Variants in EPS15L1 observed in about 807,000 individuals in gnomAD.
The protein encoded by EPS15L1 is epidermal growth factor receptor pathway substrate 15 like 1, also known as epidermal growth factor receptor substrate 15-like 1.
Under a neutral mutation model 117.1 loss-of-function variants are expected in EPS15L1, and 43 were observed. The observed-to-expected ratio is 0.37, with a 90% CI of 0.29 to 0.47. The LOEUF (loss-of-function observed/expected upper bound fraction) is 0.47, where lower values mean the gene tolerates loss of function less well. EPS15L1 is among the 20% of genes least tolerant of loss of function. The probability of loss-of-function intolerance (pLI) is 0.99; values close to 1 mark genes in which losing one functional copy is unlikely to be tolerated. For missense variants in EPS15L1, 981 were observed against 1,164.0 expected, an observed-to-expected ratio of 0.84 and a Z score of 2.29; for synonymous variants, 459 against 470.5, an observed-to-expected ratio of 0.98 and a Z score of 0.32.
chr19:16,464,729 TACACTAACACTAACACTAACACTA>T (rs149531973), intron 1 of EPS15L1, among the ~76,000 whole-genome samples: 1 of 148,518 alleles, frequency 6.7e-6, no homozygotes, highest in African/African-American at 2.5e-5. Flanking sequence ...ACACATAAAA[TACACTAACACTAACACTAACACTA>T]ACACTAACAC....
intron 1 of EPS15L1, among the ~76,000 whole-genome samples, chr19:16,452,072 T>C (rs1453080741): frequency 1.3e-5 from 2 of 149,538 alleles, no homozygotes; most frequent in African/African-American, 4.9e-5. Context: ...CCAGGAGGCG[T>C]AGGTTGCAGT....
Position 16,395,430 on chromosome 19 carries a change from T to C in EPS15L1, c.1829A>G (p.Asn610Ser), listed in dbSNP as rs1472950570. The C allele has an allele frequency of 1.9e-6, 3 of 1,613,778 alleles. No homozygotes were observed. The highest frequency in any genetic ancestry group is 3.3e-5 in the Admixed American group (2 of 60,004). Residue 610 changes from asparagine to serine, a missense_variant, in exon 17 of 24, where the codon AAC becomes AGC. Physicochemically the swap from Asn to Ser is conservative, Grantham distance 46 (BLOSUM62 1). Around this residue, in one of 5 missense-constraint regions of EPS15L1, gnomAD observed 819 missense variants for 949.0 expected, o/e 0.86. Coordinates refer to ENST00000455140, the MANE Select transcript of EPS15L1 (RefSeq NM_001258374.3). Reference sequence around the variant, plus strand: ...ATCCGGATGCAACTCTTGCGTGTTGTTGCTAAATAACAAGGCTTTATTTTT... The same window carrying C: ...ATCCGGATGCAACTCTTGCGTGTTGCTGCTAAATAACAAGGCTTTATTTTT... Reference protein sequence around the residue: ...PFKNKALLFSNNTQELHPDPF... With the variant: ...PFKNKALLFSSNTQELHPDPF...
chr19:16,432,482 G>C (rs576177448), intron 7 of EPS15L1, among the ~76,000 whole-genome samples: 16 of 151,924 alleles, frequency 1.1e-4, no homozygotes, highest in South Asian at 8.3e-4. Flanking sequence ...GCAGGAGAAC[G>C]GCGTGAACCC....
chr19:16,409,592 A>C (rs10411344), intron 13 of EPS15L1, among the ~76,000 whole-genome samples: 20,862 of 152,166 alleles, frequency 0.14, 1,501 homozygotes, highest in Non-Finnish European at 0.15. Flanking sequence ...AGGTATTTGC[A>C]AGTCACATAT....
intron 1 of EPS15L1, among the ~76,000 whole-genome samples, chr19:16,463,176 G>A (rs1428163920): frequency 6.6e-6 from 1 of 152,036 alleles, no homozygotes; most frequent in Non-Finnish European, 1.5e-5. Flanking sequence ...TGGCTTGGAG[G>A]GTTTCCTGCA....
chr19:16,442,238 A>G lies in EPS15L1; in HGVS notation c.34-19T>C, dbSNP rs1198369072. The G allele has an allele frequency of 6.2e-7, 1 of 1,611,874 alleles. No homozygotes were observed. Among genetic ancestry groups the G allele is most frequent in the South Asian group, 1.1e-5 (1 of 90,898 alleles). On this transcript the variant is annotated intron_variant, in intron 1 of 23. Transcript: ENST00000455140. The stretch of plus-strand genomic sequence containing the variant: ...TGGGAATCTGTAAATGAAACCACAG[A>G]TATTGGTCAAAAGTGAACACAACCC...
At chr19:16,386,959 T>C (rs1338779575) in intron 19 of EPS15L1, among the ~76,000 whole-genome samples, 2 of 152,188 alleles carry the variant, frequency 1.3e-5, no homozygotes, top group African/African-American at 4.8e-5. Context: ...CAGATACATT[T>C]CTAAACATAT....
In EPS15L1 at chr19:16,437,797, C is replaced by T; in HGVS notation, c.282G>A (p.Leu94=). ...ATTTAGGCGGTGGCATGCTCAAATT[C>T]AGATTGCTCAAGGTAACTTCATGGC... The part of the protein sequence containing the change: ...QSGHEVTLSN[L]NLSMPPPKFH... The change falls in exon 5 of 24, where the codon CTG becomes CTA. Residue 94 remains leucine, a synonymous_variant. Transcript: ENST00000455140. The T allele has an allele frequency of 6.2e-7, 1 of 1,614,056 alleles. No individual in the cohort carries two copies. The highest frequency in any genetic ancestry group is 8.5e-7 in the Non-Finnish European group (1 of 1,179,986).
At chr19:16,467,207 G>A (rs571854594) in intron 1 of EPS15L1, among the ~76,000 whole-genome samples, 1 of 151,184 alleles carries the variant, frequency 6.6e-6, no homozygotes, top group African/African-American at 2.4e-5. Flanking sequence ...AGTGTGCAGT[G>A]GAGTGATCTT....
At chr19:16,427,483 A>T (rs1599632112) in intron 8 of EPS15L1, among the ~76,000 whole-genome samples, 1 of 152,336 alleles carries the variant, frequency 6.6e-6, no homozygotes, top group East Asian at 1.9e-4. Context: ...GTTGATGCTC[A>T]AAAAATGTCA....
chr19:16,458,451 G>A (rs1318705807), intron 1 of EPS15L1, among the ~76,000 whole-genome samples: 2 of 134,002 alleles, frequency 1.5e-5, no homozygotes, highest in Admixed American at 7.7e-5. Context: ...GGGCCGCCCC[G>A]CCCCCACCCC....
Position 16,361,806 on chromosome 19 carries a change from A to G in EPS15L1, c.2559T>C (p.Ser853=). 6.2e-7 allele frequency: 1 copy of G among 1,613,920 alleles called. No individual in the cohort carries two copies. Among genetic ancestry groups the G allele is most frequent in the Non-Finnish European group, 8.5e-7 (1 of 1,179,946 alleles). ...PSSAAKPSKA[S]ASGFADFTSF... ...AGGTGAAGTCTGCAAAGCCCGAGGC[A>G]GAGGCCTTAGAAGGTTTAGCTGCAG... is the stretch of plus-strand genomic sequence containing the variant. Residue 853 remains serine, a synonymous_variant, in exon 23 of 24, where the codon TCT becomes TCC. Coordinates refer to ENST00000455140, the MANE Select transcript of EPS15L1 (RefSeq NM_001258374.3).
intron 1 of EPS15L1, among the ~76,000 whole-genome samples, chr19:16,460,141 C>T (rs1037998117): frequency 2.6e-5 from 4 of 152,000 alleles, no homozygotes; most frequent in African/African-American, 9.7e-5. Context: ...ATTAGCTGGG[C>T]GTGGTGGTGT....
chr19:16,361,800 C>G lies in EPS15L1; in HGVS notation c.2565G>C (p.Ser855=), dbSNP rs748219359. The change falls in exon 23 of 24, where the codon TCG becomes TCC. Residue 855 remains serine, a synonymous_variant. Transcript: ENST00000455140. Reference sequence around the variant, plus strand: ...TTACAGAGGTGAAGTCTGCAAAGCCCGAGGCAGAGGCCTTAGAAGGTTTAG... The same window carrying G: ...TTACAGAGGTGAAGTCTGCAAAGCCGGAGGCAGAGGCCTTAGAAGGTTTAG... ...SAAKPSKASA[S]GFADFTSFGN... is the part of the protein sequence containing the mutation. 3 of 1,613,382 alleles carry G rather than the reference C, an allele frequency of 1.9e-6. No individual in the cohort carries two copies. Among genetic ancestry groups the G allele is most frequent in the African/African-American group, 2.7e-5 (2 of 74,832 alleles).
chr19:16,401,645 A>G (rs961881216), intron 16 of EPS15L1: 1 of 985,258 alleles, frequency 1.0e-6, no homozygotes, highest in Non-Finnish European at 1.2e-6. Context: ...GTGACCACCT[A>G]AGGAAAAGGT....
At chr19:16,440,827 G>A in intron 4 of EPS15L1, 35 bp downstream of exon 4, 1 of 1,609,098 alleles carries the variant, frequency 6.2e-7, no homozygotes. Flanking sequence ...GCTCTGCCCA[G>A]CCCCTCCATT....
At chr19:16,360,702 C>T (rs1011804061) in intron 23 of EPS15L1, among the ~76,000 whole-genome samples, 3 of 152,120 alleles carry the variant, frequency 2.0e-5, no homozygotes, top group African/African-American at 2.4e-5. Flanking sequence ...GAGCTCTGAT[C>T]GCGCCAATGC....
intron 16 of EPS15L1, among the ~76,000 whole-genome samples, chr19:16,395,855 G>C (rs1488551560): frequency 6.6e-6 from 1 of 150,970 alleles, no homozygotes; most frequent in Non-Finnish European, 1.5e-5. Context: ...TGAGGCAGGA[G>C]AACTGCTTGA....
At chr19:16,427,761 G>A (rs1275040498) in intron 8 of EPS15L1, among the ~76,000 whole-genome samples, 2 of 152,154 alleles carry the variant, frequency 1.3e-5, no homozygotes, top group East Asian at 3.8e-4. Context: ...GGCTGTGATG[G>A]AGTGCACCTG....
Sources: allele counts gnomAD v4.1 joint callset (sites outside exome capture counted in the v4.1 genomes callset), GRCh38; gene constraint gnomAD v4.1.1; regional missense constraint gnomAD v4.1.1; transcripts MANE v1.5; gene names NCBI Gene and HGNC (gene_info 2026-07-23, HGNC 2026-07-21).